TNNI3K: variants seen among roughly 807,000 people sequenced by gnomAD.
TNNI3K encodes the protein TNNI3 interacting kinase.
Under a neutral mutation model 114.5 loss-of-function variants are expected in TNNI3K, and 140 were observed. That is an observed-to-expected ratio of 1.22 (90% confidence interval 1.07 to 1.41). The LOEUF is 1.41. Among genes scored for constraint, TNNI3K ranks in the 40% most tolerant of loss-of-function variants. The pLI is 0.00. For synonymous variants in TNNI3K, 347 were observed against 347.5 expected (o/e 1.00, Z 0.02); for missense variants, 1,125 against 1,007.6 (o/e 1.12, Z -1.58).
intron 5 of TNNI3K, among the ~76,000 whole-genome samples, chr1:74,315,248 A>G (rs1161066856): frequency 6.6e-6 from 1 of 152,196 alleles, no homozygotes; most frequent in Non-Finnish European, 1.5e-5. Context: ...GACCAGAAAC[A>G]GTGAAGATTC....
At chr1:74,357,765 C>A (rs1303461608) in intron 11 of TNNI3K, among the ~76,000 whole-genome samples, 3 of 152,058 alleles carry the variant, frequency 2.0e-5, no homozygotes, top group Non-Finnish European at 4.4e-5. Context: ...TAGAGTGTCT[C>A]CCCTCCCCAT....
chr1:74,524,220 T>G (rs1450388736), intron 23 of TNNI3K, among the ~76,000 whole-genome samples: 1 of 152,212 alleles, frequency 6.6e-6, no homozygotes, highest in Non-Finnish European at 1.5e-5. Context: ...TCAGAAGTAT[T>G]TAGAGGCATT....
Position 74,420,651 on chromosome 1 carries a change from G to T in TNNI3K, c.1773-15429G>T, listed in dbSNP as rs139425004. ...GTCATTAAGCAGCTGCATTCAAACTGCAATGCTTCCACTCAAGCCATAACA... is the reference window on the plus strand; with the variant it reads ...GTCATTAAGCAGCTGCATTCAAACTTCAATGCTTCCACTCAAGCCATAACA... On this transcript the variant is annotated intron_variant, in intron 17 of 24. Transcript: ENST00000326637. Among the ~76,000 whole-genome samples, 41 of 152,162 alleles carry T rather than the reference G, an allele frequency of 2.7e-4. 1 individual carries two copies. Among genetic ancestry groups the T allele is most frequent in the African/African-American group, 8.4e-4 (35 of 41,520 alleles).
chr1:74,336,088 A>T lies in TNNI3K; in HGVS notation c.621A>T (p.Ala207=). Residue 207 remains alanine, a synonymous_variant, in exon 7 of 25, where the codon GCA becomes GCT. Transcript: ENST00000326637. ...GEVGDRPLHL[A]SAKGFLNIAK... ...TTGGAGATAGACCCCTCCACCTAGC[A>T]TCTGCAAAAGGATTCTTGAATATTG... The T allele has an allele frequency of 6.2e-7, 1 of 1,604,596 alleles. No homozygotes were observed. Among genetic ancestry groups the T allele is most frequent in the Non-Finnish European group, 8.5e-7 (1 of 1,177,248 alleles).
chr1:74,470,209 G>A, intron 21 of TNNI3K: 1 of 400,626 alleles, frequency 2.5e-6, no homozygotes, highest in Non-Finnish European at 4.4e-6. Flanking sequence ...TAAATCTTTA[G>A]CTGTAATGGT....
At chr1:74,331,237 T>C (rs1296913681) in intron 5 of TNNI3K, among the ~76,000 whole-genome samples, 1 of 152,158 alleles carries the variant, frequency 6.6e-6, no homozygotes, top group Non-Finnish European at 1.5e-5. Flanking sequence ...CACTGTCAGA[T>C]TGAAGGGACC....
At chr1:74,389,765 G>T (rs1307662835) in intron 17 of TNNI3K, among the ~76,000 whole-genome samples, 1 of 152,200 alleles carries the variant, frequency 6.6e-6, no homozygotes, top group Non-Finnish European at 1.5e-5. Flanking sequence ...CCCTTTAGAA[G>T]TTGGAAAGGG....
intron 20 of TNNI3K, among the ~76,000 whole-genome samples, chr1:74,450,642 A>G (rs1254857966): frequency 6.6e-6 from 1 of 152,202 alleles, no homozygotes; most frequent in Non-Finnish European, 1.5e-5. Context: ...AAACATACAA[A>G]AAAACGCCCA....
Position 74,432,084 on chromosome 1 carries a change from GCA to G in TNNI3K, c.1773-3991_1773-3990del, listed in dbSNP as rs1330353344. On this transcript the variant is annotated intron_variant, in intron 17 of 24. Coordinates refer to ENST00000326637, the MANE Select transcript of TNNI3K (RefSeq NM_015978.3). Reference sequence around the variant, plus strand: ...TCTGTGTATGTGTGTGTGTGTGTGTGCACACATGCATATGCACAGCTTATGTG... The same window carrying G: ...TCTGTGTATGTGTGTGTGTGTGTGTGCACATGCATATGCACAGCTTATGTG... Among the ~76,000 whole-genome samples, 209 of 151,810 alleles carry G rather than the reference GCA, an allele frequency of 1.4e-3. 1 individual carries two copies. Among genetic ancestry groups the G allele is most frequent in the African/African-American group, 4.9e-3 (202 of 41,210 alleles).
At chr1:74,285,458 G>A (rs945488921) in intron 5 of TNNI3K, among the ~76,000 whole-genome samples, 1 of 152,150 alleles carries the variant, frequency 6.6e-6, no homozygotes. Context: ...AAGCCCAGAT[G>A]AAATGCCACT....
chr1:74,439,325 T>TGTTTATTGCACACACTG, intron 19 of TNNI3K, 165 bp from the exon 20 acceptor site: 1 of 1,081,186 alleles, frequency 9.2e-7, no homozygotes, highest in South Asian at 2.2e-5. Context: ...TGTATAAACA[T>TGTTTATTGCACACACTG]GTTTATTGCA....
chr1:74,249,586 T>C (rs1265656664), intron 3 of TNNI3K, 42 bp downstream of exon 3: 1 of 1,581,620 alleles, frequency 6.3e-7, no homozygotes, highest in Admixed American at 1.7e-5. Flanking sequence ...TGGTTATATG[T>C]GTATATCGTC....
intron 23 of TNNI3K, among the ~76,000 whole-genome samples, chr1:74,538,959 A>G (rs571587506): frequency 6.6e-6 from 1 of 152,300 alleles, no homozygotes; most frequent in Non-Finnish European, 1.5e-5. Context: ...TTCCAAATGA[A>G]CTGGGAAGCA....
chr1:74,241,520 C>T (rs1184239206), intron 2 of TNNI3K, among the ~76,000 whole-genome samples: 1 of 152,208 alleles, frequency 6.6e-6, no homozygotes, highest in Non-Finnish European at 1.5e-5. Flanking sequence ...TTGCATTTCT[C>T]TGATGGCCAG....
At chr1:74,510,196 A>G (rs1328088609) in intron 23 of TNNI3K, among the ~76,000 whole-genome samples, 2 of 152,140 alleles carry the variant, frequency 1.3e-5, no homozygotes, top group Admixed American at 6.5e-5. Context: ...AGAGAGGGCA[A>G]TCAGTTCTCA....
intron 5 of TNNI3K, among the ~76,000 whole-genome samples, chr1:74,295,609 C>T (rs907850520): frequency 1.3e-5 from 2 of 152,054 alleles, no homozygotes; most frequent in African/African-American, 2.4e-5. Flanking sequence ...TGTCCCTTTT[C>T]ATCTTTAGTA....
intron 21 of TNNI3K, among the ~76,000 whole-genome samples, chr1:74,487,851 G>A (rs557977368): frequency 9.9e-5 from 15 of 152,236 alleles, no homozygotes; most frequent in Admixed American, 3.9e-4. Flanking sequence ...TTGGAGTCAG[G>A]TTTCTAGAGG....
intron 4 of TNNI3K, among the ~76,000 whole-genome samples, chr1:74,270,910 C>G (rs1179522065): frequency 5.3e-5 from 8 of 151,264 alleles, no homozygotes; most frequent in Non-Finnish European, 8.9e-5. Flanking sequence ...TCATGTATCT[C>G]CAAAGGCAGA....
chr1:74,399,513 G>T (rs1036157538), intron 17 of TNNI3K, among the ~76,000 whole-genome samples: 1 of 152,086 alleles, frequency 6.6e-6, no homozygotes, highest in Admixed American at 6.5e-5. Flanking sequence ...CACCCATGCT[G>T]GGAAGGTCCC....
Sources: allele counts gnomAD v4.1 joint callset (sites outside exome capture counted in the v4.1 genomes callset), GRCh38; gene constraint gnomAD v4.1.1; transcripts MANE v1.5; gene names NCBI Gene and HGNC (gene_info 2026-07-23, HGNC 2026-07-21).